MCMBP: variants seen among roughly 807,000 people sequenced by gnomAD.
MCMBP encodes the protein minichromosome maintenance complex binding protein, also known as mini-chromosome maintenance complex-binding protein.
Under a neutral mutation model 81.3 loss-of-function variants are expected in MCMBP, and 31 were observed. The observed-to-expected ratio is 0.38, with a 90% CI of 0.29 to 0.51. The LOEUF is 0.51. MCMBP is among the 20% of genes least tolerant of loss of function. MCMBP has a pLI of 0.87. For synonymous variants in MCMBP, 267 were observed against 275.9 expected, an observed-to-expected ratio of 0.97 and a Z score of 0.32; for missense variants, 645 against 772.1, an observed-to-expected ratio of 0.84 and a Z score of 1.95.
intron 1 of MCMBP, among the ~76,000 whole-genome samples, chr10:119,865,841 C>T (rs778968988): frequency 2.0e-5 from 3 of 151,876 alleles, no homozygotes; most frequent in Non-Finnish European, 4.4e-5. Flanking sequence ...TTTGGGAGGC[C>T]GAGGCGGGAG....
chr10:119,854,099 G>A (rs1333637048), intron 5 of MCMBP, among the ~76,000 whole-genome samples: 3 of 150,272 alleles, frequency 2.0e-5, no homozygotes, highest in African/African-American at 7.4e-5. Context: ...GGAGTGCAGT[G>A]GTACAATTTC....
At chr10:119,857,536 A>T in intron 4 of MCMBP, 97 bp from the exon 5 acceptor site, 1 of 626,640 alleles carries the variant, frequency 1.6e-6, no homozygotes. Context: ...ATAACACCAC[A>T]GCAAATATTT....
Position 119,847,382 on chromosome 10 carries a change from G to A in MCMBP, c.827+231C>T, listed in dbSNP as rs36116778. On this transcript the variant is annotated intron_variant, in intron 8 of 15. Transcript: ENST00000369077. ...CAGTACTCTTAGGAAATGTTGACAA[G>A]CAGTTAGGGGTAAAAGGGCTTGATT... is the stretch of plus-strand genomic sequence containing the variant. Among the ~76,000 whole-genome samples, 377 of 152,274 alleles carry A rather than the reference G, an allele frequency of 2.5e-3. 1 individual carries two copies. The highest frequency in any genetic ancestry group is 4.8e-3 in the South Asian group (23 of 4,828).
At chr10:119,832,575 G>A (rs1023128973) in intron 14 of MCMBP, among the ~76,000 whole-genome samples, 13 of 152,046 alleles carry the variant, frequency 8.6e-5, no homozygotes, top group African/African-American at 3.1e-4. Flanking sequence ...CCCTCCAGGC[G>A]ATAATTAGTA....
At chr10:119,853,679 T>C (rs973797523) in intron 5 of MCMBP, among the ~76,000 whole-genome samples, 9 of 152,176 alleles carry the variant, frequency 5.9e-5, no homozygotes, top group Non-Finnish European at 1.2e-4. Context: ...AAGGTTCCAT[T>C]TGGATCTCTG....
intron 5 of MCMBP, among the ~76,000 whole-genome samples, chr10:119,856,331 T>C (rs1039793968): frequency 2.0e-5 from 3 of 152,144 alleles, no homozygotes; most frequent in African/African-American, 7.2e-5. Context: ...ACCTAAATGC[T>C]CAATTGGAGA....
chr10:119,861,159 G>A (rs1240559861), intron 1 of MCMBP, among the ~76,000 whole-genome samples: 2 of 152,182 alleles, frequency 1.3e-5, no homozygotes, highest in African/African-American at 4.8e-5. Context: ...CACTTGTTAT[G>A]GAGCTGCATC....
intron 1 of MCMBP, among the ~76,000 whole-genome samples, chr10:119,861,303 C>T (rs770233641): frequency 1.6e-4 from 25 of 152,086 alleles, no homozygotes; most frequent in African/African-American, 4.6e-4. Flanking sequence ...AATGTGTAGG[C>T]GTTAAATCCA....
chr10:119,847,538 C>T, intron 8 of MCMBP, 75 bp downstream of exon 8: 3 of 826,970 alleles, frequency 3.6e-6, no homozygotes, highest in South Asian at 3.7e-5. Context: ...TTCTTTAAAA[C>T]CATCCTGTAA....
At position 119,859,042 on chromosome 10, in the gene MCMBP, T is replaced by G; in HGVS notation, c.284A>C (p.His95Pro). Reference protein sequence around the residue: ...YETVNQNTKAHVLHFGKYRDV... With the variant: ...YETVNQNTKAPVLHFGKYRDV... ...ATTCATGAAAACAGCAATACTTACA[T>G]GTGCTTTTGTGTTTTGGTTAACCGT... Residue 95 changes from histidine to proline, a missense_variant and splice_region_variant, in exon 3 of 16, where the codon CAT (histidine) becomes CCT (proline). Transcript: ENST00000369077. 6.2e-7 allele frequency: 1 copy of G among 1,613,532 alleles called. No homozygotes were observed. Among genetic ancestry groups the G allele is most frequent in the Non-Finnish European group, 8.5e-7 (1 of 1,179,668 alleles).
At chr10:119,844,443 G>A (rs1424182836) in intron 8 of MCMBP, among the ~76,000 whole-genome samples, 3 of 152,090 alleles carry the variant, frequency 2.0e-5, no homozygotes, top group Admixed American at 6.5e-5. Flanking sequence ...TGCCTTACAC[G>A]TACAAATTCA....
chr10:119,863,822 G>C (rs1445408705), intron 1 of MCMBP, among the ~76,000 whole-genome samples: 2 of 145,100 alleles, frequency 1.4e-5, no homozygotes, highest in African/African-American at 2.6e-5. Flanking sequence ...AGATAAGCCA[G>C]ACGTAAAAGG....
Position 119,857,451 on chromosome 10 carries a change from A to C in MCMBP, c.328-12T>G. ...AGTTCTTGTTGAGGCTGTGATATAC[A>C]TAAAAAGTGTTTTTAAAAATTTACT... is the stretch of plus-strand genomic sequence containing the variant. On this transcript the variant is annotated splice_polypyrimidine_tract_variant and intron_variant, in intron 4 of 15. Transcript: ENST00000369077. 1 of 1,539,324 alleles carries C rather than the reference A, an allele frequency of 6.5e-7. No individual in the cohort carries two copies. The highest frequency in any genetic ancestry group is 8.8e-7 in the Non-Finnish European group (1 of 1,140,498).
At chr10:119,842,420 C>T in intron 10 of MCMBP, 52 bp downstream of exon 10, 2 of 1,559,378 alleles carry the variant, frequency 1.3e-6, no homozygotes, top group African/African-American at 1.4e-5. Flanking sequence ...CCCGCTCTTC[C>T]ACTTCCACAC....
chr10:119,854,050 T>C (rs1009731768), intron 5 of MCMBP, among the ~76,000 whole-genome samples: 2 of 151,386 alleles, frequency 1.3e-5, no homozygotes, highest in Non-Finnish European at 3.0e-5. Flanking sequence ...CTTTTCTTTT[T>C]TTTTTTTTTT....
chr10:119,843,273 G>T lies in MCMBP; in HGVS notation c.981C>A (p.Asn327Lys). The T allele has an allele frequency of 6.2e-7, 1 of 1,613,728 alleles. No homozygotes were observed. Residue 327 changes from asparagine to lysine, a missense_variant, in exon 9 of 16, where the codon AAC (asparagine) becomes AAA (lysine). Transcript: ENST00000369077. ...HINPLLPACL[N>K]KEESKTFVSS... is the part of the protein sequence containing the mutation. ...ACTTACAGGTTTTGCTCTCCTCTTT[G>T]TTAAGGCAGGCAGGCAATAATGGGT...
At position 119,871,425 on chromosome 10, in the gene MCMBP, A is replaced by G. The variant is rs139976473; in HGVS notation, c.58+1102T>C. 3.3e-5 allele frequency among the ~76,000 whole-genome samples: 5 copies of G among 152,102 alleles called. No individual in the cohort carries two copies. In the East Asian group the frequency reaches 9.6e-4, roughly 29 times the overall value. ...GTTCACTGGCTAAGTTCGGACGTCT[A>G]TCCAGGCTTTTTTCTAATATAATGC... On this transcript the variant is annotated intron_variant, in intron 1 of 15. Coordinates refer to ENST00000369077, the MANE Select transcript of MCMBP (RefSeq NM_001256378.2).
Position 119,852,287 on chromosome 10 carries a change from A to G in MCMBP, c.574+763T>C, listed in dbSNP as rs529753951. Among the ~76,000 whole-genome samples, 3 of 152,160 alleles carry G rather than the reference A, an allele frequency of 2.0e-5. No individual in the cohort carries two copies. The East Asian group carries it at 5.8e-4, about 29-fold the overall frequency. On this transcript the variant is annotated intron_variant, in intron 6 of 15. Transcript: ENST00000369077. ...TTAAAGGTGCTGAAGGGAAGTGGAT[A>G]GCACATACTCGAATATATTACAAAC...
chr10:119,852,689 C>A (rs1436909969), intron 6 of MCMBP, among the ~76,000 whole-genome samples: 2 of 152,018 alleles, frequency 1.3e-5, no homozygotes, highest in African/African-American at 4.8e-5. Flanking sequence ...AAAACACAAA[C>A]AAACAAGAAA....
Sources: allele counts gnomAD v4.1 joint callset (sites outside exome capture counted in the v4.1 genomes callset), GRCh38; gene constraint gnomAD v4.1.1; transcripts MANE v1.5; gene names NCBI Gene and HGNC (gene_info 2026-07-23, HGNC 2026-07-21).